The following TMEM87B variants were observed in gnomAD, a reference collection of about 807,000 sequenced individuals.
TMEM87B encodes the protein transmembrane protein 87B.
A neutral mutation model predicts 80.3 loss-of-function variants in TMEM87B; 83 were observed. The ratio of observed to expected loss-of-function variants is 1.03; its 90% CI spans 0.87 to 1.24. TMEM87B has a LOEUF of 1.24. Ranked by LOEUF, TMEM87B falls within the 50% of genes most tolerant of loss-of-function variation. The pLI, the probability that TMEM87B is intolerant of heterozygous loss-of-function variation, is 0.00. For synonymous variants in TMEM87B, 219 were observed against 230.5 expected (o/e 0.95, Z 0.45); for missense variants, 625 against 674.4 (o/e 0.93, Z 0.81).
intron 6 of TMEM87B, among the ~76,000 whole-genome samples, chr2:112,078,736 C>G (rs146959103): frequency 1.3e-5 from 2 of 152,208 alleles, no homozygotes; most frequent in African/African-American, 2.4e-5. Context: ...ATGTTTTGCA[C>G]TGTACTCGGC....
At chr2:112,095,925 GTCT>G (rs1679454595) in intron 11 of TMEM87B, among the ~76,000 whole-genome samples, 1 of 152,152 alleles carries the variant, frequency 6.6e-6, no homozygotes, top group South Asian at 2.1e-4. Flanking sequence ...CAGTGGAAAA[GTCT>G]TCTTTTTGCT....
Position 112,063,250 on chromosome 2 carries a change from G to A in TMEM87B, c.227-912G>A, listed in dbSNP as rs574962094. Among the ~76,000 whole-genome samples, 105 of 152,358 alleles carry A rather than the reference G, an allele frequency of 6.9e-4. 1 individual carries two copies. Among genetic ancestry groups the A allele is most frequent in the African/African-American group, 2.5e-3 (104 of 41,590 alleles). On this transcript the variant is annotated intron_variant, in intron 2 of 18. Coordinates refer to ENST00000283206, the MANE Select transcript of TMEM87B (RefSeq NM_032824.3). Reference sequence around the variant, plus strand: ...CTAAGTTATAAAAGATACTGTGGCTGCATCTTTGCTCTCTCTAATCACTCA... The same window carrying A: ...CTAAGTTATAAAAGATACTGTGGCTACATCTTTGCTCTCTCTAATCACTCA...
chr2:112,061,598 C>T (rs1402045664), intron 2 of TMEM87B, among the ~76,000 whole-genome samples: 3 of 152,100 alleles, frequency 2.0e-5, no homozygotes, highest in African/African-American at 7.2e-5. Context: ...ATTCATGTCT[C>T]AAAGTCTAGA....
In TMEM87B at chr2:112,055,567, C is replaced by T. The variant is rs1678016424; in HGVS notation, c.-25C>T. ...TGCGGGTGTGGCAGGCGTCTCGGAGCGCCAGGTGCAGCTTCCTGGTCAAGA... is the reference window on the plus strand; with the variant it reads ...TGCGGGTGTGGCAGGCGTCTCGGAGTGCCAGGTGCAGCTTCCTGGTCAAGA... On this transcript the variant is annotated 5_prime_UTR_variant, in exon 1 of 19. Coordinates refer to ENST00000283206, the MANE Select transcript of TMEM87B (RefSeq NM_032824.3). 3.4e-6 allele frequency: 5 copies of T among 1,473,488 alleles called. No individual in the cohort carries two copies. Among genetic ancestry groups the T allele is most frequent in the East Asian group, 2.8e-5 (1 of 36,072 alleles). The allele number at this position is 1,473,488 out of a possible 1,614,324, so 91.3% of individuals were successfully genotyped here.
intron 10 of TMEM87B, among the ~76,000 whole-genome samples, chr2:112,089,996 A>G (rs1024197309): frequency 1.7e-4 from 26 of 152,198 alleles, no homozygotes; most frequent in Non-Finnish European, 2.5e-4. Flanking sequence ...CTTCATAGAG[A>G]ACATTTGTCT....
intron 5 of TMEM87B, among the ~76,000 whole-genome samples, chr2:112,075,531 C>T (rs561142100): frequency 6.6e-6 from 1 of 152,122 alleles, no homozygotes; most frequent in East Asian, 1.9e-4. Flanking sequence ...AATAAAATTC[C>T]CCCTCTAAAT....
chr2:112,100,881 A>G (rs1488286350), intron 15 of TMEM87B, among the ~76,000 whole-genome samples, 186 bp downstream of exon 15: 1 of 152,150 alleles, frequency 6.6e-6, no homozygotes, highest in African/African-American at 2.4e-5. Context: ...TTTCAAGACT[A>G]TTGTAGTTTG....
Position 112,095,165 on chromosome 2 carries a change from C to CTTTTTTTTTTTTTTTTTTTTTTTTTTT in TMEM87B, c.1105-1858_1105-1832dup, listed in dbSNP as rs749222333. ...CGTTTCTCTTTTCTTTTCTTTCTTT[C>CTTTTTTTTTTTTTTTTTTTTTTTTTTT]TTTTTTTTTTTTTTTTTTTTTTTTT... On this transcript the variant is annotated intron_variant, in intron 11 of 18. Coordinates refer to ENST00000283206, the MANE Select transcript of TMEM87B (RefSeq NM_032824.3). 20 of 540,884 alleles carry CTTTTTTTTTTTTTTTTTTTTTTTTTTT rather than the reference C, an allele frequency of 3.7e-5. 3 individuals are homozygous for CTTTTTTTTTTTTTTTTTTTTTTTTTTT. The highest frequency in any genetic ancestry group is 3.5e-4 in the Admixed American group (1 of 2,864). The allele number at this position is 540,884 out of a possible 1,614,324, so 33.5% of individuals were successfully genotyped here. A position where few individuals can be genotyped will look rare whatever the true frequency, so the allele number is the denominator to read the frequency against.
intron 1 of TMEM87B, among the ~76,000 whole-genome samples, chr2:112,057,022 A>G (rs1678094240): frequency 6.6e-6 from 1 of 152,216 alleles, no homozygotes; most frequent in Non-Finnish European, 1.5e-5. Context: ...TGCTAAGTGT[A>G]CTGTGAACAT....
In TMEM87B at chr2:112,116,186, C is replaced by T. The variant is rs375376447; in HGVS notation, c.*43C>T. On this transcript the variant is annotated 3_prime_UTR_variant, in exon 19 of 19. Transcript: ENST00000283206. ...AATGTAGTTAAGCCTGAAGGACTAT[C>T]CTTCATCAAGACTGAAAGTGAGCTT... 3 of 1,543,528 alleles carry T rather than the reference C, an allele frequency of 1.9e-6. No individual in the cohort carries two copies. Among genetic ancestry groups the T allele is most frequent in the Non-Finnish European group, 2.7e-6 (3 of 1,127,650 alleles).
rs1678019366 is a variant in TMEM87B, at chr2:112,055,606, C to T, written c.15C>T (p.Cys5=). The T allele has an allele frequency of 1.3e-6, 2 of 1,530,084 alleles. No individual in the cohort carries two copies. The highest frequency in any genetic ancestry group is 2.0e-5 in the Admixed American group (1 of 49,628). 94.8% of individuals were successfully genotyped at this position (1,530,084 alleles called of 1,614,324 possible). The part of the protein sequence containing the change: MVAA[C]RSVAGLLPRR... ...TCCTGGTCAAGATGGTCGCCGCCTG[C>T]CGCTCGGTAGCCGGGCTCCTGCCAC... Residue 5 remains cysteine, a synonymous_variant, in exon 1 of 19, where the codon TGC becomes TGT. Transcript: ENST00000283206.
At chr2:112,062,242 G>A (rs759722692) in intron 2 of TMEM87B, among the ~76,000 whole-genome samples, 28 of 152,184 alleles carry the variant, frequency 1.8e-4, no homozygotes, top group Admixed American at 5.2e-4. Flanking sequence ...GATATATGTC[G>A]ATGCTGTTTG....
chr2:112,055,907 C>CCGGGGAG (rs1484639658), intron 1 of TMEM87B, 151 bp downstream of exon 1: 45 of 1,137,758 alleles, frequency 4.0e-5, no homozygotes, highest in Non-Finnish European at 5.1e-5. Flanking sequence ...TCTGTTACAG[C>CCGGGGAG]CGGGGAGCGG....
chr2:112,099,771 G>T (rs1679578816), intron 14 of TMEM87B, among the ~76,000 whole-genome samples: 1 of 150,500 alleles, frequency 6.6e-6, no homozygotes, highest in Non-Finnish European at 1.5e-5. Context: ...CAGCTACTTG[G>T]GAGGCTGAGG....
intron 8 of TMEM87B, among the ~76,000 whole-genome samples, chr2:112,085,703 G>A (rs1428525049): frequency 6.6e-6 from 1 of 152,238 alleles, no homozygotes; most frequent in Non-Finnish European, 1.5e-5. Context: ...TACAGGACAA[G>A]AAGAGAGAGT....
At position 112,064,162 on chromosome 2, in the gene TMEM87B, T is replaced by G; in HGVS notation, c.227T>G (p.Val76Gly). ...AACAAGACTTTCTTTTTCTAAACAG[T>G]TAAGTCATTCCATTGTTCTGGGCCT... ...MFNSTDIKLS[V>G]KSFHCSGPVK... is the part of the protein sequence containing the mutation. Residue 76 changes from valine (V) to glycine (G), a missense_variant and splice_region_variant, in exon 3 of 19, where the codon GTT becomes GGT. Physicochemically the swap from Val to Gly is moderately radical, Grantham distance 109 (BLOSUM62 -3). Coordinates refer to ENST00000283206, the MANE Select transcript of TMEM87B (RefSeq NM_032824.3). The G allele has an allele frequency of 6.2e-7, 1 of 1,613,148 alleles. No homozygotes were observed. The highest frequency in any genetic ancestry group is 2.2e-5 in the East Asian group (1 of 44,766).
In TMEM87B at chr2:112,055,603, C is replaced by T; in HGVS notation, c.12C>T (p.Ala4=). 6.5e-7 allele frequency: 1 copy of T among 1,528,682 alleles called. No homozygotes were observed. Among genetic ancestry groups the T allele is most frequent in the Non-Finnish European group, 8.8e-7 (1 of 1,139,952 alleles). 94.7% of individuals were successfully genotyped at this position (1,528,682 alleles called of 1,614,324 possible). Residue 4 remains alanine (A), a synonymous_variant, in exon 1 of 19, where the codon GCC becomes GCT. Transcript: ENST00000283206. ...GCTTCCTGGTCAAGATGGTCGCCGC[C>T]TGCCGCTCGGTAGCCGGGCTCCTGC... MVA[A]CRSVAGLLPR...
At chr2:112,091,174 AG>A in intron 10 of TMEM87B, among the ~76,000 whole-genome samples, 1 of 151,902 alleles carries the variant, frequency 6.6e-6, no homozygotes, top group East Asian at 1.9e-4. Flanking sequence ...TGGGAGGCAG[AG>A]GTTGCAGTGA....
chr2:112,056,480 G>C (rs762695751), intron 1 of TMEM87B, among the ~76,000 whole-genome samples: 6 of 152,118 alleles, frequency 3.9e-5, no homozygotes, highest in Non-Finnish European at 7.3e-5. Flanking sequence ...GTAATTAGAG[G>C]AGATGATGTG....
Sources: allele counts gnomAD v4.1 joint callset (sites outside exome capture counted in the v4.1 genomes callset), GRCh38; gene constraint gnomAD v4.1.1; transcripts MANE v1.5; gene names NCBI Gene and HGNC (gene_info 2026-07-23, HGNC 2026-07-21).